Variants in PRPH2 observed in about 807,000 individuals in gnomAD.
PRPH2 encodes the protein peripherin 2.
A neutral mutation model predicts 31.3 loss-of-function variants in PRPH2; 17 were observed. That is an observed-to-expected ratio of 0.54 (90% CI 0.37 to 0.81). The LOEUF (loss-of-function observed/expected upper bound fraction) is 0.81. Ranked by LOEUF, PRPH2 falls within the 40% of genes least tolerant of loss-of-function variation. The pLI is 0.00. For synonymous variants in PRPH2, 165 were observed against 184.4 expected (o/e 0.89, Z 0.85); for missense variants, 430 against 439.7 (o/e 0.98, Z 0.20).
chr6:42,712,715 C>A (rs1761690395), intron 1 of PRPH2, among the ~76,000 whole-genome samples: 1 of 151,560 alleles, frequency 6.6e-6, no homozygotes, highest in Non-Finnish European at 1.5e-5. Flanking sequence ...CTGTGCCCAG[C>A]CTGTTTTTTC....
At chr6:42,705,220 G>A (rs562418195) in intron 1 of PRPH2, among the ~76,000 whole-genome samples, 3 of 152,266 alleles carry the variant, frequency 2.0e-5, no homozygotes, top group South Asian at 2.1e-4. Context: ...GCTGATGGGC[G>A]GGGCTCCCAG....
chr6:42,709,144 C>T (rs1363792049), intron 1 of PRPH2, among the ~76,000 whole-genome samples: 1 of 151,642 alleles, frequency 6.6e-6, no homozygotes, highest in African/African-American at 2.4e-5. Context: ...TCCTGGCCAA[C>T]GTGGTGAAAC....
At chr6:42,701,692 T>TTTTTTTTTTTTG (rs1800048488) in intron 2 of PRPH2, among the ~76,000 whole-genome samples, 1 of 142,740 alleles carries the variant, frequency 7.0e-6, no homozygotes, top group Non-Finnish European at 1.5e-5. Flanking sequence ...ATTTTTTTTT[T>TTTTTTTTTTTTG]TTTTTTTTTT....
At chr6:42,699,704 T>C (rs906392633) in intron 2 of PRPH2, among the ~76,000 whole-genome samples, 10 of 152,120 alleles carry the variant, frequency 6.6e-5, no homozygotes, top group Admixed American at 2.0e-4. Flanking sequence ...CTGGGCAACA[T>C]AGCGAGACCT....
intron 1 of PRPH2, 82 bp downstream of exon 1, chr6:42,721,670 CGG>C (rs1334570220): frequency 3.7e-5 from 56 of 1,501,080 alleles, no homozygotes; most frequent in Non-Finnish European, 3.5e-5. Flanking sequence ...GCACTGGGTG[CGG>C]GGAGAGGGGC....
intron 1 of PRPH2, among the ~76,000 whole-genome samples, chr6:42,720,304 G>T (rs919805173): frequency 6.6e-6 from 1 of 152,130 alleles, no homozygotes; most frequent in African/African-American, 2.4e-5. Context: ...TAGAGGAAAA[G>T]ATGAAAAGCC....
intron 1 of PRPH2, among the ~76,000 whole-genome samples, chr6:42,714,285 A>C (rs757316380): frequency 3.3e-4 from 50 of 152,216 alleles, no homozygotes; most frequent in Admixed American, 9.2e-4. Flanking sequence ...TGAAATGTCC[A>C]GAACAGGGAA....
intron 1 of PRPH2, chr6:42,711,778 G>A: frequency 1.0e-6 from 1 of 985,394 alleles, no homozygotes; most frequent in Non-Finnish European, 1.2e-6. Context: ...TGGGTTCCCT[G>A]GGAAGAATGG....
chr6:42,710,317 T>C (rs2268683), intron 1 of PRPH2, among the ~76,000 whole-genome samples: 84,408 of 152,048 alleles, frequency 0.56, 23,858 homozygotes, highest in African/African-American at 0.67. Flanking sequence ...GTCTCCCTCA[T>C]ACTGGGAACT....
At chr6:42,707,952 T>G (rs1035171449) in intron 1 of PRPH2, among the ~76,000 whole-genome samples, 1 of 152,110 alleles carries the variant, frequency 6.6e-6, no homozygotes, top group Non-Finnish European at 1.5e-5. Flanking sequence ...TTCCTTAACC[T>G]CTCCCTGCCT....
At chr6:42,713,086 A>G (rs1188696205) in intron 1 of PRPH2, among the ~76,000 whole-genome samples, 2 of 151,834 alleles carry the variant, frequency 1.3e-5, no homozygotes, top group East Asian at 2.0e-4. Flanking sequence ...TTAGCCAGGT[A>G]TGATGGTGGG....
chr6:42,721,762 T>C lies in PRPH2; in HGVS notation c.573A>G (p.Glu191=). The change falls in exon 1 of 3, where the codon GAA becomes GAG. Residue 191 remains glutamate (E), a synonymous_variant. Coordinates refer to ENST00000230381, the MANE Select transcript of PRPH2 (RefSeq NM_000322.5). ...SNRYLDFSSK[E]VKDRIKSNVD... is the part of the protein sequence containing the mutation. ...GACTGGAAGCCACTCACTCTTTGAC[T>C]TCTTTGGAGGAAAAGTCCAGGTAGC... is the stretch of plus-strand genomic sequence containing the variant. The C allele has an allele frequency of 6.2e-7, 1 of 1,614,184 alleles. No homozygotes were observed. Among genetic ancestry groups the C allele is most frequent in the South Asian group, 1.1e-5 (1 of 91,084 alleles).
intron 2 of PRPH2, among the ~76,000 whole-genome samples, chr6:42,699,137 C>CT (rs1484742923): frequency 8.6e-5 from 13 of 150,858 alleles, no homozygotes; most frequent in African/African-American, 2.9e-4. Flanking sequence ...ACTACAAACT[C>CT]TATCTCCTGT....
At chr6:42,699,417 G>A (rs1157350323) in intron 2 of PRPH2, among the ~76,000 whole-genome samples, 1 of 152,060 alleles carries the variant, frequency 6.6e-6, no homozygotes, top group Non-Finnish European at 1.5e-5. Flanking sequence ...AAATAATTTG[G>A]ATTTGTTCAC....
In PRPH2 at chr6:42,704,509, G is replaced by C. The variant is rs375272298; in HGVS notation, c.684C>G (p.Thr228=). 3 of 1,614,076 alleles carry C rather than the reference G, an allele frequency of 1.9e-6. No homozygotes were observed. Among genetic ancestry groups the C allele is most frequent in the African/African-American group, 2.7e-5 (2 of 74,920 alleles). ...SPRPCIQYQI[T]NNSAHYSYDH... ...CGTAACTGTAGTGTGCTGAGTTGTT[G>C]GTGATCTGATACTGGATGCAGGGCC... The change falls in exon 2 of 3, where the codon ACC becomes ACG. Residue 228 remains threonine (T), a synonymous_variant. Coordinates refer to ENST00000230381, the MANE Select transcript of PRPH2 (RefSeq NM_000322.5).
intron 1 of PRPH2, among the ~76,000 whole-genome samples, chr6:42,711,132 C>CT (rs1281670788): frequency 2.7e-4 from 41 of 152,168 alleles, no homozygotes; most frequent in African/African-American, 9.4e-4. Context: ...GAGATGGGAC[C>CT]TTTGAGAGGT....
Position 42,722,085 on chromosome 6 carries a change from C to T in PRPH2, c.250G>A (p.Asp84Asn), listed in dbSNP as rs368257452. The part of the protein sequence containing the change: ...FNSLAGKICY[D>N]ALDPAKYARW... ...GCATACTTGGCTGGGTCCAGGGCGT[C>T]GTAGCAGATCTTCCCAGCCAGCGAG... The change falls in exon 1 of 3, where the codon GAC becomes AAC. Residue 84 changes from aspartate to asparagine, a missense_variant. Coordinates refer to ENST00000230381, the MANE Select transcript of PRPH2 (RefSeq NM_000322.5). The surrounding 1 kb of genome is among the most constrained non-coding windows in gnomAD (Gnocchi z 4.4). 32 of 1,614,074 alleles carry T rather than the reference C, an allele frequency of 2.0e-5. No homozygotes were observed. The highest frequency in any genetic ancestry group is 2.4e-5 in the Non-Finnish European group (28 of 1,180,032).
At chr6:42,702,080 A>G (rs1800055539) in intron 2 of PRPH2, among the ~76,000 whole-genome samples, 1 of 152,052 alleles carries the variant, frequency 6.6e-6, no homozygotes, top group African/African-American at 2.4e-5. Context: ...GTCTCTACTA[A>G]AAATACAAAA....
At chr6:42,721,239 C>T (rs532359041) in intron 1 of PRPH2, among the ~76,000 whole-genome samples, 23 of 152,294 alleles carry the variant, frequency 1.5e-4, no homozygotes, top group Admixed American at 2.6e-4. Flanking sequence ...ACTTCCCCTT[C>T]CTATGCTCTT....
Sources: allele counts gnomAD v4.1 joint callset (sites outside exome capture counted in the v4.1 genomes callset), GRCh38; gene constraint gnomAD v4.1.1; non-coding constraint Gnocchi (gnomAD v3.1); transcripts MANE v1.5; gene names NCBI Gene and HGNC (gene_info 2026-07-23, HGNC 2026-07-21).